BCAS3: variants seen among roughly 807,000 people sequenced by gnomAD.
BCAS3 encodes BCAS3 microtubule associated cell migration factor.
A neutral mutation model predicts 116.1 loss-of-function variants in BCAS3; 53 were observed. The ratio of observed to expected loss-of-function variants is 0.46; its 90% CI spans 0.37 to 0.57. The LOEUF (loss-of-function observed/expected upper bound fraction) is 0.57, where lower values mean the gene tolerates loss of function less well. BCAS3 is among the 20% of genes least tolerant of loss of function. BCAS3 has a pLI of 0.00. For missense variants in BCAS3, 917 were observed against 1,165.4 expected (o/e 0.79, Z 3.10); for synonymous variants, 391 against 408.2 (o/e 0.96, Z 0.51).
At position 61,251,390 on chromosome 17, in the gene BCAS3, G is replaced by A. The variant is rs62069614; in HGVS notation, c.2426-116937G>A. The stretch of plus-strand genomic sequence containing the variant: ...TTGAGACCATCCTGGCCAATATGGC[G>A]AAACCCCGTCTCTACTAAAAATACA... On this transcript the variant is annotated intron_variant, in intron 22 of 23. Coordinates refer to ENST00000407086, the MANE Select transcript of BCAS3 (RefSeq NM_017679.5). This position sits in a 1 kb window ranked among gnomAD's most constrained non-coding sequence, Gnocchi z 4.7. 0.083 allele frequency among the ~76,000 whole-genome samples: 12,622 copies of A among 152,148 alleles called. 568 individuals are homozygous for A. Among genetic ancestry groups the A allele is most frequent in the Middle Eastern group, 0.13 (38 of 294 alleles).
chr17:61,091,389 TGGCAGGGGGACAGAG>T (rs2073555503), intron 22 of BCAS3, among the ~76,000 whole-genome samples: 1 of 152,136 alleles, frequency 6.6e-6, no homozygotes, highest in Non-Finnish European at 1.5e-5. Context: ...CACACTATGG[TGGCAGGGGGACAGAG>T]TTGGGGGCAC....
intron 6 of BCAS3, among the ~76,000 whole-genome samples, chr17:60,793,248 C>CA (rs1483929094): frequency 6.6e-6 from 1 of 152,098 alleles, no homozygotes; most frequent in Non-Finnish European, 1.5e-5. Flanking sequence ...AGGCACCTGC[C>CA]ACCATGCCCT....
Position 60,688,138 on chromosome 17 carries a change from A to C in BCAS3, c.139-1548A>C, listed in dbSNP as rs577054353. On this transcript the variant is annotated intron_variant, in intron 3 of 23. Coordinates refer to ENST00000407086, the MANE Select transcript of BCAS3 (RefSeq NM_017679.5). ...ACAGGAAAAAAGGAAGTTGTCCTAA[A>C]TGCAGGATAGCATCCTGGTTTGGAT... 6 of 152,336 alleles carry C rather than the reference A, an allele frequency of 3.9e-5. 1 individual carries two copies. The South Asian group carries it at 1.2e-3, about 32-fold the overall frequency. 9.4% of individuals were successfully genotyped at this position (152,336 alleles called of 1,614,324 possible).
At chr17:61,125,661 A>C (rs2076013183) in intron 22 of BCAS3, among the ~76,000 whole-genome samples, 1 of 152,084 alleles carries the variant, frequency 6.6e-6, no homozygotes, top group Non-Finnish European at 1.5e-5. Flanking sequence ...ACTTTACAAC[A>C]TTTTTCTGTG....
rs758548264 is a variant in BCAS3, at chr17:61,084,570, A to C, written c.2425+6A>C. The stretch of plus-strand genomic sequence containing the variant: ...AGTGATTGATGCTGCCTCAGGTAGA[A>C]AACCACCTCTGAAATATTTATTGGG... On this transcript the variant is annotated splice_donor_region_variant and intron_variant, in intron 22 of 23. Coordinates refer to ENST00000407086, the MANE Select transcript of BCAS3 (RefSeq NM_017679.5). The surrounding 1 kb of genome is among the most constrained non-coding windows in gnomAD (Gnocchi z 5.5). 2.5e-6 allele frequency: 4 copies of C among 1,604,070 alleles called. No homozygotes were observed. The Admixed American group carries it at 5.0e-5, about 20-fold the overall frequency.
chr17:60,876,674 G>T (rs2055637341), intron 9 of BCAS3, among the ~76,000 whole-genome samples: 1 of 152,046 alleles, frequency 6.6e-6, no homozygotes, highest in Non-Finnish European at 1.5e-5. Flanking sequence ...ATATTTATTT[G>T]ATAACAGACC....
chr17:60,704,314 T>G (rs773264188), intron 4 of BCAS3, among the ~76,000 whole-genome samples: 1 of 151,218 alleles, frequency 6.6e-6, no homozygotes, highest in Non-Finnish European at 1.5e-5. Context: ...CAGGAAGGGA[T>G]AGACTAACTC....
intron 1 of BCAS3, among the ~76,000 whole-genome samples, chr17:60,679,246 A>T (rs2032582271): frequency 6.6e-6 from 1 of 151,854 alleles, no homozygotes; most frequent in African/African-American, 2.4e-5. Flanking sequence ...TAACCCCCCA[A>T]ACCCCTCATT....
At chr17:60,713,449 T>C (rs776683391) in intron 5 of BCAS3, among the ~76,000 whole-genome samples, 2 of 152,194 alleles carry the variant, frequency 1.3e-5, no homozygotes, top group Non-Finnish European at 2.9e-5. Context: ...CTCATGGATC[T>C]TTATAGTCTG....
At chr17:60,730,379 C>T (rs955405038) in intron 5 of BCAS3, among the ~76,000 whole-genome samples, 1 of 152,186 alleles carries the variant, frequency 6.6e-6, no homozygotes, top group Non-Finnish European at 1.5e-5. Flanking sequence ...GACCAAAATA[C>T]AGACCGGGTT....
chr17:61,322,354 G>A (rs936661621), intron 22 of BCAS3, among the ~76,000 whole-genome samples: 2 of 152,294 alleles, frequency 1.3e-5, no homozygotes, highest in Admixed American at 6.5e-5. Context: ...ACTGTTTTAG[G>A]GGACCTGTCA....
intron 6 of BCAS3, among the ~76,000 whole-genome samples, chr17:60,798,639 C>G (rs570224214): frequency 1.3e-5 from 2 of 152,318 alleles, no homozygotes; most frequent in South Asian, 4.1e-4. Context: ...ATAAAGCTGT[C>G]ATAAACATTG....
rs1293838359 is a variant in BCAS3 at position 61,229,399 on chromosome 17, A to G, written c.2426-138928A>G. 2.0e-5 allele frequency among the ~76,000 whole-genome samples: 3 copies of G among 152,264 alleles called. No homozygotes were observed. Among genetic ancestry groups the G allele is most frequent in the Non-Finnish European group, 4.4e-5 (3 of 68,044 alleles). ...CTCCAGCCAGTTATCTAGAAGATCT[A>G]GCCAAGATCATTGATGAAGGTGGCT... On this transcript the variant is annotated intron_variant, in intron 22 of 23. Transcript: ENST00000407086. This position sits in a 1 kb window ranked among gnomAD's most constrained non-coding sequence, Gnocchi z 4.4.
chr17:61,269,805 T>TC (rs199973069), intron 22 of BCAS3, among the ~76,000 whole-genome samples: 3,090 of 150,984 alleles, frequency 0.02, 99 homozygotes, highest in African/African-American at 0.069. Context: ...TTTCTTTCTT[T>TC]TTTTTTTTTT....
chr17:61,360,711 T>C (rs1041503409), intron 22 of BCAS3, among the ~76,000 whole-genome samples: 1 of 152,228 alleles, frequency 6.6e-6, no homozygotes, highest in African/African-American at 2.4e-5. Flanking sequence ...CAACTTGAGA[T>C]CCTTAATTAC....
rs542646792 is a variant in BCAS3, at chr17:60,995,894, T to C, written c.1486+5659T>C. ...GGGAATAGGGAATGCCTAGGGAGGA[T>C]TGCAATTTGAAATTAGTATGCTTCC... On this transcript the variant is annotated intron_variant, in intron 15 of 23. Transcript: ENST00000407086. This position sits in a 1 kb window ranked among gnomAD's most constrained non-coding sequence, Gnocchi z 4.7. Among the ~76,000 whole-genome samples the C allele has an allele frequency of 9.3e-4, 142 of 152,034 alleles. No homozygotes were observed. The highest frequency in any genetic ancestry group is 2.9e-3 in the African/African-American group (119 of 41,486).
In BCAS3 at chr17:61,067,729, A is replaced by C. The variant is rs554060148; in HGVS notation, c.2030-7191A>C. Among the ~76,000 whole-genome samples, 314 of 141,252 alleles carry C rather than the reference A, an allele frequency of 2.2e-3. 2 individuals carry two copies. The highest frequency in any genetic ancestry group is 5.2e-3 in the African/African-American group (188 of 35,902). 92.7% of individuals were successfully genotyped at this position (141,252 alleles called of 152,430 possible). A position where few individuals can be genotyped will look rare whatever the true frequency, so the allele number is the denominator to read the frequency against. ...GACTCCATCTCAAACAAACAAACAA[A>C]AAAAAAAAAAAATATATATATATAT... is the stretch of plus-strand genomic sequence containing the variant. On this transcript the variant is annotated intron_variant, in intron 19 of 23. Transcript: ENST00000407086.
intron 11 of BCAS3, among the ~76,000 whole-genome samples, chr17:60,903,902 C>T: frequency 6.6e-6 from 1 of 152,128 alleles, no homozygotes; most frequent in East Asian, 1.9e-4. Context: ...GTATTAGACT[C>T]CTTTTAGACT....
At chr17:60,948,517 A>G (rs1425225513) in intron 14 of BCAS3, among the ~76,000 whole-genome samples, 1 of 152,300 alleles carries the variant, frequency 6.6e-6, no homozygotes, top group East Asian at 1.9e-4. Context: ...CATACCTTAT[A>G]TGCACTTGCC....
Sources: allele counts gnomAD v4.1 joint callset (sites outside exome capture counted in the v4.1 genomes callset), GRCh38; gene constraint gnomAD v4.1.1; non-coding constraint Gnocchi (gnomAD v3.1); transcripts MANE v1.5; gene names NCBI Gene and HGNC (gene_info 2026-07-23, HGNC 2026-07-21).